The following CFAP57 variants were observed in gnomAD, a reference collection of about 807,000 sequenced individuals.
CFAP57 encodes cilia- and flagella-associated protein 57.
CFAP57 carries 116 observed loss-of-function variants against 146.8 expected under a neutral mutation model. The ratio of observed to expected loss-of-function variants is 0.79; its 90% CI spans 0.68 to 0.92. The LOEUF is 0.92. CFAP57 is among the 40% of genes least tolerant of loss of function. The probability of loss-of-function intolerance (pLI) is 0.00; values close to 1 mark genes in which losing one functional copy is unlikely to be tolerated. For missense variants in CFAP57, 1,377 were observed against 1,527.2 expected (o/e 0.90, Z 1.64); for synonymous variants, 518 against 552.8 (o/e 0.94, Z 0.88).
At chr1:43,225,519 T>C (rs548558584) in intron 17 of CFAP57, among the ~76,000 whole-genome samples, 2 of 152,188 alleles carry the variant, frequency 1.3e-5, no homozygotes, top group Non-Finnish European at 2.9e-5. Flanking sequence ...ACCCCTGGCC[T>C]AGGAGATAAA....
chr1:43,213,974 C>T (rs949127572), intron 11 of CFAP57, among the ~76,000 whole-genome samples: 5 of 151,860 alleles, frequency 3.3e-5, no homozygotes, highest in African/African-American at 1.2e-4. Context: ...GCAACCTCCC[C>T]CTCCTGGGTT....
intron 18 of CFAP57, among the ~76,000 whole-genome samples, chr1:43,231,503 C>T (rs1162410780): frequency 1.3e-5 from 2 of 152,158 alleles, no homozygotes; most frequent in African/African-American, 4.8e-5. Context: ...CCTAATTGGA[C>T]ACTCCAGTTG....
intron 21 of CFAP57, among the ~76,000 whole-genome samples, chr1:43,242,929 A>G (rs1334497446): frequency 6.6e-6 from 1 of 152,186 alleles, no homozygotes; most frequent in Non-Finnish European, 1.5e-5. Context: ...TAGGGTTATT[A>G]TGATGCATTT....
chr1:43,193,741 T>A (rs1212774361), intron 6 of CFAP57, among the ~76,000 whole-genome samples: 2 of 151,946 alleles, frequency 1.3e-5, no homozygotes, highest in African/African-American at 2.4e-5. Context: ...ATTTTATATA[T>A]TTTAAAGAAG....
At chr1:43,181,352 G>A (rs373187107) in intron 2 of CFAP57, among the ~76,000 whole-genome samples, 182 bp from the exon 3 acceptor site, 48 of 152,132 alleles carry the variant, frequency 3.2e-4, no homozygotes, top group African/African-American at 8.9e-4. Context: ...GATTACAGGC[G>A]TGAGCCACCA....
chr1:43,214,709 C>T (rs932450502), intron 11 of CFAP57, among the ~76,000 whole-genome samples: 1 of 152,032 alleles, frequency 6.6e-6, no homozygotes, highest in Non-Finnish European at 1.5e-5. Flanking sequence ...AGCTATTTTC[C>T]AGAGTGGCTG....
chr1:43,215,864 G>A (rs182088557), intron 12 of CFAP57, among the ~76,000 whole-genome samples: 1 of 152,330 alleles, frequency 6.6e-6, no homozygotes, highest in East Asian at 1.9e-4. Flanking sequence ...CAAAAAACAA[G>A]TTAGGAGAGC....
chr1:43,251,886 A>G (rs562045667), intron 22 of CFAP57, among the ~76,000 whole-genome samples: 1 of 152,244 alleles, frequency 6.6e-6, no homozygotes, highest in Non-Finnish European at 1.5e-5. Flanking sequence ...ACGTAAGTAC[A>G]TTAATCAAAG....
chr1:43,245,047 C>T (rs370506533), intron 22 of CFAP57, among the ~76,000 whole-genome samples: 3 of 152,206 alleles, frequency 2.0e-5, no homozygotes, highest in Non-Finnish European at 4.4e-5. Context: ...CCGTGGCTCA[C>T]ATCTGTAATC....
chr1:43,180,638 G>C (rs1301709781), intron 2 of CFAP57, among the ~76,000 whole-genome samples: 2 of 152,136 alleles, frequency 1.3e-5, no homozygotes, highest in Non-Finnish European at 2.9e-5. Flanking sequence ...GCAGAGAGTA[G>C]CTGTGGCTCA....
chr1:43,234,539 C>G lies in CFAP57; in HGVS notation c.3306C>G (p.Thr1102=). The G allele has an allele frequency of 6.5e-6, 10 of 1,550,382 alleles. No homozygotes were observed. Among genetic ancestry groups the G allele is most frequent in the Non-Finnish European group, 8.7e-6 (10 of 1,146,898 alleles). Residue 1102 remains threonine, a synonymous_variant, in exon 21 of 23, where the codon ACC becomes ACG. Transcript: ENST00000372492. The stretch of plus-strand genomic sequence containing the variant: ...ACACAGACCTGCAGCAGGAGTACAC[C>G]CGGCAGCGGGAGCACCTGGAGAGGA... The part of the protein sequence containing the change: ...GLNTDLQQEY[T]RQREHLERNL...
intron 17 of CFAP57, among the ~76,000 whole-genome samples, chr1:43,226,286 G>A (rs1217859225): frequency 6.6e-6 from 1 of 152,186 alleles, no homozygotes; most frequent in Non-Finnish European, 1.5e-5. Flanking sequence ...CGATGTCTGG[G>A]GCCTCAGCTG....
At chr1:43,184,652 A>T (rs955596209) in intron 4 of CFAP57, among the ~76,000 whole-genome samples, 2 of 149,328 alleles carry the variant, frequency 1.3e-5, no homozygotes, top group African/African-American at 5.0e-5. Flanking sequence ...TGGGCCCTCA[A>T]CCCCAATGAC....
At chr1:43,252,742 A>G (rs1646355502) in intron 22 of CFAP57, among the ~76,000 whole-genome samples, 1 of 152,252 alleles carries the variant, frequency 6.6e-6, no homozygotes, top group African/African-American at 2.4e-5. Context: ...AAGACAAAAA[A>G]GCAAAAGTCT....
At chr1:43,186,665 A>G in intron 5 of CFAP57, 42 bp from the exon 6 acceptor site, 2 of 1,599,374 alleles carry the variant, frequency 1.3e-6, no homozygotes, top group Non-Finnish European at 1.7e-6. Flanking sequence ...CCACAATGAC[A>G]ACGTGGGGAC....
At chr1:43,239,152 C>A (rs1000732803) in intron 21 of CFAP57, among the ~76,000 whole-genome samples, 3 of 152,022 alleles carry the variant, frequency 2.0e-5, no homozygotes, top group African/African-American at 7.2e-5. Context: ...TGGAGCCAAG[C>A]GGGACCTCCC....
intron 3 of CFAP57, among the ~76,000 whole-genome samples, chr1:43,183,234 G>T (rs1323377948): frequency 6.6e-6 from 1 of 152,200 alleles, no homozygotes; most frequent in Non-Finnish European, 1.5e-5. Context: ...CTGACATGTG[G>T]TTTCTTTCCT....
At chr1:43,182,686 A>G (rs1645463941) in intron 3 of CFAP57, among the ~76,000 whole-genome samples, 1 of 152,214 alleles carries the variant, frequency 6.6e-6, no homozygotes, top group African/African-American at 2.4e-5. Flanking sequence ...AGGTAGAACC[A>G]GAAGGGTATT....
At chr1:43,222,047 G>T in intron 14 of CFAP57, 58 bp from the exon 15 acceptor site, 1 of 1,452,788 alleles carries the variant, frequency 6.9e-7, no homozygotes, top group Non-Finnish European at 9.2e-7. Context: ...AGGCTCCTGG[G>T]TGTCCCTGAA....
Sources: gnomAD v4.1 joint callset for allele counts (sites outside exome capture counted in the v4.1 genomes callset) on GRCh38, gnomAD v4.1.1 for gene constraint, MANE v1.5 for transcripts, NCBI Gene and HGNC (gene_info 2026-07-23, HGNC 2026-07-21) for gene names.